The following ANKRD11 variants were observed in gnomAD, a reference collection of about 807,000 sequenced individuals.
The protein encoded by ANKRD11 is ankyrin repeat domain-containing protein 11.
In ANKRD11, 17 loss-of-function variants were observed where a neutral mutation model predicts 195.7. That is an observed-to-expected ratio of 0.09 (90% CI 0.06 to 0.13). The LOEUF is 0.13. Ranked by LOEUF, ANKRD11 falls within the 10% of genes least tolerant of loss-of-function variation. The pLI, the probability that ANKRD11 is intolerant of heterozygous loss-of-function variation, is 1.00. For synonymous variants in ANKRD11, 1,953 were observed against 1,528.1 expected, an observed-to-expected ratio of 1.28 and a Z score of -6.49; for missense variants, 3,735 against 3,566.1, an observed-to-expected ratio of 1.05 and a Z score of -1.21.
intron 4 of ANKRD11, among the ~76,000 whole-genome samples, chr16:89,296,582 T>C (rs2151826670): frequency 6.6e-6 from 1 of 152,348 alleles, no homozygotes; most frequent in East Asian, 1.9e-4. Flanking sequence ...AACATCTGCA[T>C]GATACTCCAT....
rs2034625078 is a variant in ANKRD11 at position 89,286,091 on chromosome 16, C to T, written c.840G>A (p.Val280=). The T allele has an allele frequency of 6.2e-7, 1 of 1,614,122 alleles. No individual in the cohort carries two copies. Among genetic ancestry groups the T allele is most frequent in the Non-Finnish European group, 8.5e-7 (1 of 1,180,036 alleles). The change falls in exon 8 of 13, where the codon GTG becomes GTA. Residue 280 remains valine (V), a synonymous_variant. Transcript: ENST00000301030. The part of the protein sequence containing the change: ...PLKVANSPTM[V]NLLLGKGTYT... ...AAGTGCCTTTGCCTAACAGGAGGTT[C>T]ACCATCGTGGGGGAGTTGGCCACTT...
chr16:89,454,425 G>A (rs536062814), intron 1 of ANKRD11, among the ~76,000 whole-genome samples: 5 of 152,222 alleles, frequency 3.3e-5, no homozygotes, highest in South Asian at 4.1e-4. Context: ...CTAAGAAAAG[G>A]CAACTTTCTA....
chr16:89,390,599 A>C (rs1484917770), intron 2 of ANKRD11, among the ~76,000 whole-genome samples: 4 of 152,214 alleles, frequency 2.6e-5, no homozygotes, highest in African/African-American at 9.7e-5. Flanking sequence ...AAGGCACATC[A>C]CAGAGGTGAA....
intron 1 of ANKRD11, among the ~76,000 whole-genome samples, chr16:89,439,038 TAAAAA>T (rs942792271): frequency 2.7e-5 from 4 of 147,506 alleles, no homozygotes; most frequent in African/African-American, 1.0e-4. Context: ...ACCTTTCTCT[TAAAAA>T]AAACAAAACC....
intron 7 of ANKRD11, 86 bp from the exon 8 acceptor site, chr16:89,286,272 G>A (rs1208418366): frequency 1.3e-6 from 2 of 1,572,552 alleles, no homozygotes; most frequent in African/African-American, 1.3e-5. Flanking sequence ...CCCCTTCCGA[G>A]AACCCTGGGG....
chr16:89,460,160 C>G (rs1276928344), intron 1 of ANKRD11, among the ~76,000 whole-genome samples: 6 of 151,628 alleles, frequency 4.0e-5, no homozygotes, highest in Non-Finnish European at 8.8e-5. Context: ...ATCATTTGAA[C>G]CTGGGAGGCC....
chr16:89,381,810 C>T (rs911267193), intron 2 of ANKRD11, among the ~76,000 whole-genome samples: 9 of 152,158 alleles, frequency 5.9e-5, no homozygotes, highest in African/African-American at 1.9e-4. Context: ...TGACCCCACG[C>T]GAATGGGGGG....
At chr16:89,323,794 C>T (rs1348360870) in intron 2 of ANKRD11, 1 of 250,028 alleles carries the variant, frequency 4.0e-6, no homozygotes, top group Non-Finnish European at 7.8e-6. Flanking sequence ...TCCTTCCCCT[C>T]CTCAGGGCCA....
At chr16:89,335,939 C>T (rs375351861) in intron 2 of ANKRD11, among the ~76,000 whole-genome samples, 1 of 152,204 alleles carries the variant, frequency 6.6e-6, no homozygotes, top group African/African-American at 2.4e-5. Flanking sequence ...AGGCATCCGC[C>T]GCAAACATGA....
intron 1 of ANKRD11, among the ~76,000 whole-genome samples, chr16:89,482,289 C>T (rs1039728011): frequency 6.6e-6 from 1 of 152,142 alleles, no homozygotes; most frequent in Non-Finnish European, 1.5e-5. Flanking sequence ...TCAGCCACAC[C>T]GTGCTTTACA....
At chr16:89,457,072 G>A (rs2965954) in intron 1 of ANKRD11, among the ~76,000 whole-genome samples, 1 of 147,604 alleles carries the variant, frequency 6.8e-6, no homozygotes, top group African/African-American at 2.5e-5. Context: ...CCATTCTCCT[G>A]CCTCAGCCTC....
intron 2 of ANKRD11, among the ~76,000 whole-genome samples, chr16:89,417,612 C>G (rs1487132822): frequency 6.6e-6 from 1 of 152,210 alleles, no homozygotes; most frequent in Non-Finnish European, 1.5e-5. Context: ...ACCATACACA[C>G]TGGTCTCCAG....
intron 7 of ANKRD11, chr16:89,286,607 G>C: frequency 8.7e-7 from 1 of 1,153,770 alleles, no homozygotes; most frequent in Non-Finnish European, 1.1e-6. Flanking sequence ...AGGTTAGGGA[G>C]AAGAGTGTTA....
intron 2 of ANKRD11, among the ~76,000 whole-genome samples, chr16:89,357,708 T>A (rs1475288950): frequency 6.6e-6 from 1 of 152,142 alleles, no homozygotes; most frequent in East Asian, 1.9e-4. Flanking sequence ...CAGCCAATGC[T>A]GCGGACTCCA....
At chr16:89,289,688 C>T (rs1282683185) in intron 6 of ANKRD11, among the ~76,000 whole-genome samples, 1 of 152,188 alleles carries the variant, frequency 6.6e-6, no homozygotes, top group Non-Finnish European at 1.5e-5. Flanking sequence ...CAGGTCCCTC[C>T]AGGGGCCTGG....
intron 2 of ANKRD11, chr16:89,340,056 G>C (rs537497878): frequency 1.3e-5 from 2 of 152,226 alleles, no homozygotes; most frequent in Admixed American, 6.5e-5. Context: ...TTCTCCTGTT[G>C]ACTAACATTT....
chr16:89,309,947 G>C (rs2036518594), intron 3 of ANKRD11, among the ~76,000 whole-genome samples: 1 of 152,288 alleles, frequency 6.6e-6, no homozygotes. Flanking sequence ...TCCTCCTTAT[G>C]ACACGAGGTA....
chr16:89,415,261 C>CTTT (rs34004237), intron 2 of ANKRD11, among the ~76,000 whole-genome samples: 14 of 84,534 alleles, frequency 1.7e-4, no homozygotes, highest in East Asian at 3.5e-4. Context: ...GCCAGCTATT[C>CTTT]TTTTTTTTTT....
At chr16:89,344,707 A>C (rs2038856883) in intron 2 of ANKRD11, among the ~76,000 whole-genome samples, 1 of 152,092 alleles carries the variant, frequency 6.6e-6, no homozygotes, top group Non-Finnish European at 1.5e-5. Context: ...GACTGGGAAG[A>C]ACAAAGAGCT....
Sources: allele counts gnomAD v4.1 joint callset (sites outside exome capture counted in the v4.1 genomes callset), GRCh38; gene constraint gnomAD v4.1.1; transcripts MANE v1.5; gene names NCBI Gene and HGNC (gene_info 2026-07-23, HGNC 2026-07-21).